The following SYTL5 variants were observed in gnomAD, a reference collection of about 807,000 sequenced individuals.
SYTL5 encodes synaptotagmin-like protein 5.
In SYTL5, 34 loss-of-function variants were observed where a neutral mutation model predicts 55.9. That is an observed-to-expected ratio of 0.61 (90% CI 0.46 to 0.81). SYTL5 has a LOEUF of 0.81. Among genes scored for constraint, SYTL5 ranks in the 30% least tolerant of loss-of-function variants. The pLI, the probability that SYTL5 is intolerant of heterozygous loss-of-function variation, is 0.00. For synonymous variants in SYTL5, 221 were observed against 188.7 expected (o/e 1.17, Z -1.40); for missense variants, 637 against 546.7 (o/e 1.17, Z -1.65).
At chrX:37,951,473 G>A in the SYTL5 span, among the ~76,000 whole-genome samples, 1 of 110,896 alleles carries the variant, frequency 9.0e-6, no homozygotes, top group Admixed American at 9.7e-5. Context: ...TCTGCCCTAG[G>A]GTGGCGGATT....
chrX:37,924,391 G>A, the SYTL5 span, among the ~76,000 whole-genome samples: 55 of 111,690 alleles, frequency 4.9e-4, no homozygotes, highest in East Asian at 0.015. Context: ...GATTAAATGA[G>A]ATAACATATA....
At chrX:37,949,553 T>A in the SYTL5 span, 1 of 111,985 alleles carries the variant, frequency 8.9e-6, no homozygotes, top group African/African-American at 3.2e-5. Flanking sequence ...CTTAATCAGC[T>A]TAATTTCTTA....
At chrX:38,122,057 C>T in intron 14 of SYTL5, 23 bp from the exon 15 acceptor site, 1 of 1,150,721 alleles carries the variant, frequency 8.7e-7, no homozygotes, top group East Asian at 3.1e-5. Context: ...TCCACCATTC[C>T]CTCATTTTGG....
At chrX:38,002,825 A>G (rs1293175739), upstream of SYTL5, among the ~76,000 whole-genome samples, 1 of 111,142 alleles carries the variant, frequency 9.0e-6, no homozygotes, top group African/African-American at 3.3e-5. Flanking sequence ...TTGCCTGTTC[A>G]CTCTGATGGT....
intron 1 of SYTL5, among the ~76,000 whole-genome samples, chrX:38,027,569 TTC>T (rs1934818093): frequency 8.9e-6 from 1 of 112,032 alleles, no homozygotes; most frequent in South Asian, 3.7e-4. Context: ...AACACAATTT[TTC>T]TCTGTCTAGT....
intron 1 of SYTL5, among the ~76,000 whole-genome samples, chrX:38,029,546 G>T (rs2208108): frequency 2.7e-5 from 3 of 110,574 alleles, no homozygotes; most frequent in Admixed American, 9.7e-5. Context: ...CATAGCTAGG[G>T]GGCATGGCTA....
At chrX:38,091,665 A>T (rs1307792733) in intron 7 of SYTL5, among the ~76,000 whole-genome samples, 2 of 112,005 alleles carry the variant, frequency 1.8e-5, no homozygotes, top group Non-Finnish European at 3.8e-5. Context: ...AAGTATTTTT[A>T]AAAATTTAAC....
At chrX:37,994,419 C>T in the SYTL5 span, 2 of 115,765 alleles carry the variant, frequency 1.7e-5, no homozygotes, top group African/African-American at 6.5e-5. Context: ...GCTGCAGTTT[C>T]CTGTCAGCCA....
chrX:37,946,408 A>T, the SYTL5 span: 1 of 200,796 alleles, frequency 5.0e-6, no homozygotes, highest in Non-Finnish European at 9.4e-6. Context: ...CATAAAATTC[A>T]TCATGAGTTT....
chrX:37,906,709 T>C, the SYTL5 span: 1 of 112,720 alleles, frequency 8.9e-6, no homozygotes, highest in Non-Finnish European at 1.9e-5. Flanking sequence ...AAACAATTCA[T>C]TGAAGGACAC....
rs1302445386 is a variant in SYTL5 at position 38,106,647 on chromosome X, G to A, written c.1210G>A (p.Val404Met). 4.1e-6 allele frequency: 5 copies of A among 1,207,850 alleles called. No homozygotes were observed. The highest frequency in any genetic ancestry group is 1.8e-5 in the South Asian group (1 of 56,064). The change falls in exon 11 of 17, where the codon GTG becomes ATG. Residue 404 changes from valine to methionine, a missense_variant. Physicochemically the swap from Val to Met is conservative, Grantham distance 21. Coordinates refer to ENST00000297875, the MANE Select transcript of SYTL5 (RefSeq NM_138780.3). ...CAGTGAAACGGGAGACTATGGCAAC[G>A]TGAAAGTCAGTGGTGAAATCCTTCT... ...VYSETGDYGN[V>M]KVSGEILLHI...
chrX:38,109,147 G>C (rs1937295264), intron 12 of SYTL5, among the ~76,000 whole-genome samples: 1 of 112,293 alleles, frequency 8.9e-6, no homozygotes, highest in Non-Finnish European at 1.9e-5. Context: ...ACCAAATGTA[G>C]GTATGTGGTT....
chrX:37,975,693 G>A, the SYTL5 span, among the ~76,000 whole-genome samples: 3 of 111,587 alleles, frequency 2.7e-5, no homozygotes, highest in Admixed American at 2.9e-4. Context: ...CTTAGCAATT[G>A]TATAAACCTA....
At chrX:38,050,940 T>C (rs1004094268) in intron 2 of SYTL5, among the ~76,000 whole-genome samples, 26 of 112,491 alleles carry the variant, frequency 2.3e-4, no homozygotes, top group African/African-American at 8.1e-4. Flanking sequence ...TTGGCCAGTG[T>C]GAGTCACATG....
chrX:38,072,764 A>C (rs1936299836), intron 4 of SYTL5, among the ~76,000 whole-genome samples: 1 of 112,229 alleles, frequency 8.9e-6, no homozygotes, highest in Admixed American at 9.4e-5. Context: ...GCACCAAATG[A>C]AAATAACACT....
intron 6 of SYTL5, among the ~76,000 whole-genome samples, chrX:38,082,314 C>T (rs943560547): frequency 4.5e-5 from 5 of 112,087 alleles, no homozygotes; most frequent in African/African-American, 1.6e-4. Context: ...TGCTCTTTTA[C>T]TCACTGCTAC....
the SYTL5 span, chrX:37,939,467 A>G: frequency 9.0e-6 from 1 of 111,623 alleles, no homozygotes; most frequent in Non-Finnish European, 1.9e-5. Context: ...AGACCTGTAT[A>G]GGGCAGCGGC....
intron 2 of SYTL5, among the ~76,000 whole-genome samples, chrX:38,038,912 C>T (rs2208109): frequency 9.9e-5 from 11 of 111,019 alleles, no homozygotes; most frequent in Non-Finnish European, 1.5e-4. Flanking sequence ...ATGTAGAAGA[C>T]GGAGAAAGCG....
chrX:38,036,525 A>G (rs866465750), intron 2 of SYTL5, among the ~76,000 whole-genome samples: 5 of 111,637 alleles, frequency 4.5e-5, no homozygotes, highest in Non-Finnish European at 9.4e-5. Flanking sequence ...TCCAAGAGAT[A>G]CTTTTACAGA....
Sources: allele counts gnomAD v4.1 joint callset (sites outside exome capture counted in the v4.1 genomes callset), GRCh38; gene constraint gnomAD v4.1.1; transcripts MANE v1.5; gene names NCBI Gene and HGNC (gene_info 2026-07-23, HGNC 2026-07-21).